Variants in PSMD13 observed in about 807,000 individuals in gnomAD.
PSMD13 encodes the protein proteasome 26S subunit, non-ATPase 13.
A neutral mutation model predicts 57.4 loss-of-function variants in PSMD13; 8 were observed. The ratio of observed to expected loss-of-function variants is 0.14; its 90% CI spans 0.08 to 0.25. The LOEUF (loss-of-function observed/expected upper bound fraction) is 0.25. PSMD13 is among the 10% of genes least tolerant of loss of function. The pLI is 1.00. For synonymous variants in PSMD13, 193 were observed against 168.2 expected (o/e 1.15, Z -1.14); for missense variants, 400 against 461.5 (o/e 0.87, Z 1.22).
At chr11:245,218 C>T (rs1381871096) in intron 6 of PSMD13, among the ~76,000 whole-genome samples, 1 of 152,240 alleles carries the variant, frequency 6.6e-6, no homozygotes, top group East Asian at 1.9e-4. Context: ...GCTGGGATTA[C>T]AGCCGTGAGC....
chr11:249,819 A>G (rs1429306380), intron 9 of PSMD13, among the ~76,000 whole-genome samples: 3 of 152,166 alleles, frequency 2.0e-5, no homozygotes, highest in East Asian at 3.8e-4. Flanking sequence ...GGTAGGAATT[A>G]TGGTTATTTT....
chr11:240,152 C>G (rs1443531630), intron 2 of PSMD13, among the ~76,000 whole-genome samples: 1 of 120,798 alleles, frequency 8.3e-6, no homozygotes, highest in South Asian at 3.1e-4. Context: ...TCTTGTTGCC[C>G]GGGCTGGAGT....
chr11:247,243 TAAAAAG>T (rs1859667763), intron 6 of PSMD13, 28 bp from the exon 7 acceptor site: 1 of 1,580,382 alleles, frequency 6.3e-7, no homozygotes, highest in Non-Finnish European at 8.6e-7. Flanking sequence ...ACTTTTAACT[TAAAAAG>T]AGAGATGATT....
In PSMD13 at chr11:244,773, A is replaced by G. The variant is rs909039804; in HGVS notation, c.396+12A>G. 2.6e-6 allele frequency: 4 copies of G among 1,555,596 alleles called. No individual in the cohort carries two copies. The highest frequency in any genetic ancestry group is 3.5e-6 in the Non-Finnish European group (4 of 1,139,864). On this transcript the variant is annotated intron_variant, in intron 6 of 12. Coordinates refer to ENST00000532097, the MANE Select transcript of PSMD13 (RefSeq NM_002817.4). ...TACAGGTTACAAAGGTGAGATCACC[A>G]TAATACAGATTTATCTTTGGTTTAA...
At chr11:250,916 G>A (rs773984447) in intron 10 of PSMD13, 51 bp downstream of exon 10, 1 of 1,534,006 alleles carries the variant, frequency 6.5e-7, no homozygotes, top group Non-Finnish European at 9.0e-7. Context: ...ATTTTGGTCA[G>A]GTGGGGGCGC....
rs765892953 is a variant in PSMD13 at position 252,609 on chromosome 11, G to A, written c.*9G>A. 1.9e-6 allele frequency: 3 copies of A among 1,613,760 alleles called. No homozygotes were observed. In the South Asian group the frequency reaches 3.3e-5, roughly 18 times the overall value. ...ATGACATCCTCACCTAGGGCCCCCT[G>A]GTTCCCCGTCGTGTCTCCTTTGACT... is the stretch of plus-strand genomic sequence containing the variant. On this transcript the variant is annotated 3_prime_UTR_variant, in exon 13 of 13. Coordinates refer to ENST00000532097, the MANE Select transcript of PSMD13 (RefSeq NM_002817.4). This position sits in a 1 kb window ranked among gnomAD's most constrained non-coding sequence, Gnocchi z 4.1.
At chr11:247,630 G>A (rs554773) in intron 7 of PSMD13, 182 bp downstream of exon 7, 121,687 of 557,336 alleles carry the variant, frequency 0.22, 16,417 homozygotes, top group African/African-American at 0.52. Context: ...TCAGGAGTTC[G>A]AGACCAGCCT....
chr11:248,803 C>A lies in PSMD13; in HGVS notation c.596C>A (p.Thr199Lys). The change falls in exon 8 of 13, where the codon ACG (threonine) becomes AAG (lysine). Residue 199 changes from threonine (T) to lysine (K), a missense_variant. Thr to Lys is a moderately conservative substitution (Grantham distance 78). Coordinates refer to ENST00000532097, the MANE Select transcript of PSMD13 (RefSeq NM_002817.4). ...TCTGAGCAGCAGGAGAGAGCCTTCA[C>A]GCTGGGGCTAGCAGGACTTCTCGGC... ...PVSEQQERAF[T>K]LGLAGLLGEG... 6.2e-7 allele frequency: 1 copy of A among 1,614,190 alleles called. No homozygotes were observed. Among genetic ancestry groups the A allele is most frequent in the Non-Finnish European group, 8.5e-7 (1 of 1,180,030 alleles).
chr11:244,380 G>A, intron 4 of PSMD13, 46 bp from the exon 5 acceptor site: 2 of 1,597,468 alleles, frequency 1.3e-6, no homozygotes, highest in Non-Finnish European at 1.7e-6. Flanking sequence ...TTGGTTAGCA[G>A]AAACCAGTCT....
At position 249,003 on chromosome 11, in the gene PSMD13, C is replaced by A. The variant is rs1263412467; in HGVS notation, c.720C>A (p.Phe240Leu). Residue 240 changes from phenylalanine to leucine, a missense_variant, in exon 9 of 13, where the codon TTC (phenylalanine) becomes TTA (leucine). By Grantham distance (22) the Phe-to-Leu change is conservative. Transcript: ENST00000532097. ...RQWLIDTLYA[F>L]NSGNVERFQT... ...GGCTGATTGACACCCTCTATGCCTT[C>A]AACAGTGGCAACGTAGAGCGGTTCC... 6.2e-7 allele frequency: 1 copy of A among 1,614,076 alleles called. No homozygotes were observed. The highest frequency in any genetic ancestry group is 8.5e-7 in the Non-Finnish European group (1 of 1,180,040).
intron 10 of PSMD13, 62 bp downstream of exon 10, chr11:250,927 T>G (rs1859755146): frequency 3.5e-6 from 5 of 1,436,480 alleles, no homozygotes; most frequent in Non-Finnish European, 3.9e-6. Flanking sequence ...GTGGGGGCGC[T>G]GCACTCTCCA....
intron 7 of PSMD13, 52 bp downstream of exon 7, chr11:247,500 A>G (rs754893453): frequency 1.3e-6 from 2 of 1,573,636 alleles, no homozygotes; most frequent in Non-Finnish European, 1.7e-6. Flanking sequence ...CTCCAAACTT[A>G]GCATCTGTGA....
chr11:238,532 G>T (rs1159595851), intron 1 of PSMD13, among the ~76,000 whole-genome samples: 1 of 152,128 alleles, frequency 6.6e-6, no homozygotes, highest in Non-Finnish European at 1.5e-5. Flanking sequence ...GCGGCCGGGC[G>T]CAGTGGCTCA....
chr11:237,181 T>C (rs1336469194), intron 1 of PSMD13, 37 bp downstream of exon 1: 2 of 1,578,800 alleles, frequency 1.3e-6, no homozygotes, highest in African/African-American at 1.4e-5. Context: ...GCCCCGGCGA[T>C]AGAGGGAGAC....
Position 252,329 on chromosome 11 carries a change from A to G in PSMD13, c.1036-176A>G. The G allele has an allele frequency of 1.7e-6, 1 of 602,522 alleles. No individual in the cohort carries two copies. Among genetic ancestry groups the G allele is most frequent in the South Asian group, 2.1e-5 (1 of 48,600 alleles). The allele number at this position is 602,522 out of a possible 1,614,324, so 37.3% of individuals were successfully genotyped here. On this transcript the variant is annotated intron_variant, in intron 12 of 12. Coordinates refer to ENST00000532097, the MANE Select transcript of PSMD13 (RefSeq NM_002817.4). The surrounding 1 kb of genome is among the most constrained non-coding windows in gnomAD (Gnocchi z 4.1). The stretch of plus-strand genomic sequence containing the variant: ...CAAGTTTTTTCTAACGTTCCTGTGA[A>G]AAGAATTAACCCGGCAAGTCCCGTC...
At chr11:248,364 G>A (rs527615425) in intron 7 of PSMD13, among the ~76,000 whole-genome samples, 27 of 152,258 alleles carry the variant, frequency 1.8e-4, no homozygotes, top group African/African-American at 3.4e-4. Flanking sequence ...AAAATATATC[G>A]GAAAAGGAAC....
chr11:241,568 G>A (rs964887210), intron 2 of PSMD13, among the ~76,000 whole-genome samples: 1 of 152,150 alleles, frequency 6.6e-6, no homozygotes, highest in Non-Finnish European at 1.5e-5. Context: ...CCAAAGTTAA[G>A]GTCATTTGGA....
At position 252,254 on chromosome 11, in the gene PSMD13, G is replaced by T; in HGVS notation, c.1036-251G>T. 3.8e-6 allele frequency: 2 copies of T among 523,052 alleles called. No individual in the cohort carries two copies. The highest frequency in any genetic ancestry group is 6.9e-6 in the Non-Finnish European group (2 of 289,844). The allele number at this position is 523,052 out of a possible 1,614,324, so 32.4% of individuals were successfully genotyped here. A position where few individuals can be genotyped will look rare whatever the true frequency, so the allele number is the denominator to read the frequency against. On this transcript the variant is annotated intron_variant, in intron 12 of 12. Transcript: ENST00000532097. This position sits in a 1 kb window ranked among gnomAD's most constrained non-coding sequence, Gnocchi z 4.1. ...AGCTCACGTCGCTCTTACATTTGCTGGAAATGCGATCCTGTGGATTTCCTC... is the reference window on the plus strand; with the variant it reads ...AGCTCACGTCGCTCTTACATTTGCTTGAAATGCGATCCTGTGGATTTCCTC...
intron 6 of PSMD13, among the ~76,000 whole-genome samples, chr11:246,849 T>G (rs1213658157): frequency 3.3e-5 from 5 of 152,368 alleles, no homozygotes; most frequent in Middle Eastern, 6.8e-3. Context: ...CAATTGCCTG[T>G]TAATGTCTTT....
Sources: gnomAD v4.1 joint callset for allele counts (sites outside exome capture counted in the v4.1 genomes callset) on GRCh38, gnomAD v4.1.1 for gene constraint, Gnocchi (gnomAD v3.1) non-coding constraint, MANE v1.5 for transcripts, NCBI Gene and HGNC (gene_info 2026-07-23, HGNC 2026-07-21) for gene names.